The following PPP1R1C variants were observed in gnomAD, a reference collection of about 807,000 sequenced individuals.
PPP1R1C encodes protein phosphatase 1 regulatory inhibitor subunit 1C.
Under a neutral mutation model 17.4 loss-of-function variants are expected in PPP1R1C, and 15 were observed. The observed-to-expected ratio is 0.86, with a 90% CI of 0.58 to 1.33. PPP1R1C has a LOEUF of 1.33. Among genes scored for constraint, PPP1R1C ranks in the 40% most tolerant of loss-of-function variants. The pLI is 0.00. For synonymous variants in PPP1R1C, 35 were observed against 43.1 expected, an observed-to-expected ratio of 0.81 and a Z score of 0.73; for missense variants, 143 against 130.0, an observed-to-expected ratio of 1.10 and a Z score of -0.48.
chr2:182,081,666 T>C (rs1291137565), intron 4 of PPP1R1C, among the ~76,000 whole-genome samples: 1 of 152,028 alleles, frequency 6.6e-6, no homozygotes, highest in Non-Finnish European at 1.5e-5. Context: ...GGATGCATTT[T>C]GTAAAAAAAA....
intron 4 of PPP1R1C, among the ~76,000 whole-genome samples, chr2:182,096,300 AC>A (rs1688935390): frequency 6.6e-6 from 1 of 152,066 alleles, no homozygotes; most frequent in Non-Finnish European, 1.5e-5. Flanking sequence ...GGGTCATATG[AC>A]CCTACTTTCA....
At chr2:182,027,289 A>T in intron 2 of PPP1R1C, among the ~76,000 whole-genome samples, 3 of 135,368 alleles carry the variant, frequency 2.2e-5, no homozygotes, top group African/African-American at 8.8e-5. Flanking sequence ...GTCTTGTGCC[A>T]GTTTTCAAAG....
At chr2:181,985,461 T>C (rs2125138501), upstream of PPP1R1C, among the ~76,000 whole-genome samples, 1 of 152,234 alleles carries the variant, frequency 6.6e-6, no homozygotes, top group South Asian at 2.1e-4. The surrounding 1 kb of genome is among the most constrained non-coding windows in gnomAD (Gnocchi z 4.1). Context: ...CTAGGATGAG[T>C]TTAAACTAAC....
At chr2:181,983,693 A>T (rs1685236196), upstream of PPP1R1C, among the ~76,000 whole-genome samples, 1 of 152,214 alleles carries the variant, frequency 6.6e-6, no homozygotes, top group South Asian at 2.1e-4. Context: ...CTCAACAAAT[A>T]TTTGCTATGT....
chr2:182,010,172 T>C (rs1686048794), intron 2 of PPP1R1C, among the ~76,000 whole-genome samples: 2 of 151,996 alleles, frequency 1.3e-5, no homozygotes. Flanking sequence ...GTCATTGGTA[T>C]TTTTATGGGG....
intron 4 of PPP1R1C, among the ~76,000 whole-genome samples, chr2:182,074,284 G>A (rs922128327): frequency 2.6e-5 from 4 of 151,826 alleles, no homozygotes; most frequent in Admixed American, 6.6e-5. Flanking sequence ...CTCATGATCC[G>A]CCCGCCTCAG....
chr2:182,049,781 G>A (rs564766963), intron 2 of PPP1R1C, among the ~76,000 whole-genome samples: 1 of 152,178 alleles, frequency 6.6e-6, no homozygotes, highest in South Asian at 2.1e-4. Flanking sequence ...ATGGTCTGTG[G>A]TCTTTGTATT....
At chr2:182,053,026 A>T (rs181202913) in intron 2 of PPP1R1C, among the ~76,000 whole-genome samples, 1 of 152,368 alleles carries the variant, frequency 6.6e-6, no homozygotes, top group Admixed American at 6.5e-5. Flanking sequence ...AATTGAAGTT[A>T]TTTTGGAACC....
chr2:182,063,589 A>G (rs1386341363), intron 3 of PPP1R1C, 142 bp from the exon 4 acceptor site: 1 of 682,866 alleles, frequency 1.5e-6, no homozygotes, highest in Non-Finnish European at 2.6e-6. Flanking sequence ...ATAATTTCTC[A>G]TTAATTAGAT....
intron 2 of PPP1R1C, among the ~76,000 whole-genome samples, chr2:182,011,689 C>G (rs1477538427): frequency 1.3e-5 from 2 of 151,892 alleles, no homozygotes; most frequent in African/African-American, 4.8e-5. Flanking sequence ...TTTTCTAGTT[C>G]CTTAAGATGC....
intron 2 of PPP1R1C, among the ~76,000 whole-genome samples, chr2:182,014,654 G>A (rs1364855102): frequency 6.6e-6 from 1 of 151,928 alleles, no homozygotes; most frequent in Non-Finnish European, 1.5e-5. Context: ...CCATCCCAGG[G>A]TAGATCTAGA....
intron 4 of PPP1R1C, among the ~76,000 whole-genome samples, chr2:182,074,156 C>A (rs553685925): frequency 6.6e-6 from 1 of 151,776 alleles, no homozygotes; most frequent in East Asian, 1.9e-4. Context: ...ATTCTTCTGC[C>A]TCAGCCTCCC....
At chr2:182,058,007 CA>C (rs1687740038) in intron 2 of PPP1R1C, among the ~76,000 whole-genome samples, 1 of 152,054 alleles carries the variant, frequency 6.6e-6, no homozygotes, top group African/African-American at 2.4e-5. Context: ...GCACCTTCTT[CA>C]CACACAGTTT....
chr2:182,042,169 C>G (rs1168158107), intron 2 of PPP1R1C, among the ~76,000 whole-genome samples: 15 of 152,116 alleles, frequency 9.9e-5, no homozygotes, highest in Admixed American at 9.8e-4. Flanking sequence ...AGTATGACTC[C>G]TTTTTTTACT....
rs113424009 is a variant in PPP1R1C, at chr2:182,104,386, A to G, written c.242-12821A>G. 1.4e-4 allele frequency among the ~76,000 whole-genome samples: 21 copies of G among 152,264 alleles called. 2 individuals are homozygous for G. The highest frequency in any genetic ancestry group is 4.6e-4 in the African/African-American group (19 of 41,568). ...TATACCTAATTTGTTAAGTGGTTTT[A>G]TCATCCATTTATTATGAAATGATGT... On this transcript the variant is annotated intron_variant, in intron 4 of 4. Coordinates refer to ENST00000682840, the MANE Select transcript of PPP1R1C (RefSeq NM_001080545.3).
intron 2 of PPP1R1C, among the ~76,000 whole-genome samples, chr2:182,043,193 T>G (rs1687237764): frequency 1.3e-5 from 2 of 152,226 alleles, no homozygotes; most frequent in Admixed American, 6.5e-5. Context: ...CACTTCGTAT[T>G]CAAATTCATG....
intron 4 of PPP1R1C, among the ~76,000 whole-genome samples, chr2:182,066,430 T>G (rs943251291): frequency 6.6e-6 from 1 of 152,094 alleles, no homozygotes; most frequent in Non-Finnish European, 1.5e-5. Flanking sequence ...CCATAACAAA[T>G]GTATGAAACA....
intron 2 of PPP1R1C, among the ~76,000 whole-genome samples, chr2:182,041,582 T>G (rs1687183431): frequency 8.0e-6 from 1 of 124,800 alleles, no homozygotes; most frequent in African/African-American, 3.2e-5. Flanking sequence ...GACTCCAGTC[T>G]AGGATGACAA....
upstream of PPP1R1C, among the ~76,000 whole-genome samples, chr2:181,984,084 G>T (rs1685244942): frequency 6.6e-6 from 1 of 152,186 alleles, no homozygotes; most frequent in South Asian, 2.1e-4. Flanking sequence ...CAAGTAGATA[G>T]ATATTCTTAG....
Sources: allele counts gnomAD v4.1 joint callset (sites outside exome capture counted in the v4.1 genomes callset), GRCh38; gene constraint gnomAD v4.1.1; non-coding constraint Gnocchi (gnomAD v3.1); transcripts MANE v1.5; gene names NCBI Gene and HGNC (gene_info 2026-07-23, HGNC 2026-07-21).